Variants in CMTM4 observed in about 807,000 individuals in gnomAD.
CMTM4 encodes CKLF-like MARVEL transmembrane domain-containing protein 4.
Under a neutral mutation model 19.0 loss-of-function variants are expected in CMTM4, and 8 were observed. The observed-to-expected ratio is 0.42, with a 90% CI of 0.25 to 0.76. The LOEUF is 0.76. Ranked by LOEUF, CMTM4 falls within the 30% of genes least tolerant of loss-of-function variation. The pLI, the probability that CMTM4 is intolerant of heterozygous loss-of-function variation, is 0.27. For missense variants in CMTM4, 228 were observed against 290.2 expected (o/e 0.79, Z 1.56); for synonymous variants, 106 against 121.1 (o/e 0.88, Z 0.82).
rs138154250 is a variant in CMTM4 at position 66,689,671 on chromosome 16, T to C, written c.186+6669A>G. ...ATCCACCTGCCTCGGCCTCCCAAAG[T>C]GCTGGGACTACAGACATAAGCCACT... On this transcript the variant is annotated intron_variant, in intron 1 of 3. Transcript: ENST00000394106. Among the ~76,000 whole-genome samples the C allele has an allele frequency of 1.6e-3, 250 of 152,300 alleles. 1 individual carries two copies. The highest frequency in any genetic ancestry group is 5.6e-3 in the African/African-American group (233 of 41,564).
chr16:66,667,598 AAG>A (rs2016621701), intron 1 of CMTM4, among the ~76,000 whole-genome samples: 1 of 152,146 alleles, frequency 6.6e-6, no homozygotes, highest in African/African-American at 2.4e-5. Flanking sequence ...AAGTTTAAAA[AAG>A]AAAAAAGGGC....
intron 1 of CMTM4, among the ~76,000 whole-genome samples, chr16:66,666,165 AAGAC>A (rs1333336776): frequency 6.6e-6 from 1 of 151,926 alleles, no homozygotes; most frequent in Admixed American, 6.6e-5. Context: ...TTAAGAAAAT[AAGAC>A]AGGCCAGGTG....
At chr16:66,601,576 GCAGCCTGGCCCC>G in the CMTM4 span, among the ~76,000 whole-genome samples, 5 of 152,336 alleles carry the variant, frequency 3.3e-5, no homozygotes, top group South Asian at 1.0e-3. Context: ...GGTCGGACTG[GCAGCCTGGCCCC>G]CAGCCTTCAG....
Position 66,620,871 on chromosome 16 carries a change from T to C in CMTM4, c.*1187A>G. ...ACTGCATCATGGGGACTCACTGAAC[T>C]CATTCACCACACACAATAATCTTCA... On this transcript the variant is annotated 3_prime_UTR_variant, in exon 4 of 4. Transcript: ENST00000394106. 1 of 985,790 alleles carries C rather than the reference T, an allele frequency of 1.0e-6. No homozygotes were observed. Among genetic ancestry groups the C allele is most frequent in the Non-Finnish European group, 1.2e-6 (1 of 829,930 alleles). 61.1% of individuals were successfully genotyped at this position (985,790 alleles called of 1,614,324 possible). A position where few individuals can be genotyped will look rare whatever the true frequency, so the allele number is the denominator to read the frequency against.
At chr16:66,631,506 A>G (rs1048236547) in intron 2 of CMTM4, among the ~76,000 whole-genome samples, 7 of 152,248 alleles carry the variant, frequency 4.6e-5, no homozygotes, top group African/African-American at 7.2e-5. Context: ...AAGGTGGGGA[A>G]AAGACTGAGA....
chr16:66,655,605 C>T (rs767436833), intron 1 of CMTM4, among the ~76,000 whole-genome samples: 3 of 149,034 alleles, frequency 2.0e-5, no homozygotes, highest in Admixed American at 6.7e-5. Context: ...TACATATATA[C>T]GAGATATAAG....
At position 66,696,453 on chromosome 16, in the gene CMTM4, TG is replaced by T; in HGVS notation, c.72del (p.Ser24ArgfsTer11). ...GGCTCGGTGGTGGGCTGGTACGGGC[TG>T]CTGGCGCCCGAGATCATGGAGGTGC... The part of the protein sequence containing the change: ...ASSTSMISGA[S>X]SPYQPTTEPV... On this transcript the variant is annotated frameshift_variant, in exon 1 of 4. Transcript: ENST00000394106. LOFTEE classifies it high-confidence loss of function. This position sits in a 1 kb window ranked among gnomAD's most constrained non-coding sequence, Gnocchi z 4.3. 1 of 1,343,608 alleles carries T rather than the reference TG, an allele frequency of 7.4e-7. No homozygotes were observed. Among genetic ancestry groups the T allele is most frequent in the Non-Finnish European group, 9.5e-7 (1 of 1,047,240 alleles). The allele number at this position is 1,343,608 out of a possible 1,614,324, so 83.2% of individuals were successfully genotyped here. A position where few individuals can be genotyped will look rare whatever the true frequency, so the allele number is the denominator to read the frequency against.
At position 66,652,471 on chromosome 16, in the gene CMTM4, G is replaced by A. The variant is rs540857294; in HGVS notation, c.187-15890C>T. Among the ~76,000 whole-genome samples, 49 of 152,306 alleles carry A rather than the reference G, an allele frequency of 3.2e-4. 1 individual carries two copies. The East Asian group carries it at 7.1e-3, about 22-fold the overall frequency. ...AGTGTCCCTGACAGATGTTTCAAGCGGGTTCTCTGTGTAAACAATTTTGAT... is the reference window on the plus strand; with the variant it reads ...AGTGTCCCTGACAGATGTTTCAAGCAGGTTCTCTGTGTAAACAATTTTGAT... On this transcript the variant is annotated intron_variant, in intron 1 of 3. Transcript: ENST00000394106.
At chr16:66,666,918 AG>A (rs2016604805) in intron 1 of CMTM4, among the ~76,000 whole-genome samples, 1 of 152,190 alleles carries the variant, frequency 6.6e-6, no homozygotes, top group Admixed American at 6.6e-5. Context: ...GATTACTTGG[AG>A]GGAGGGAGGG....
intron 1 of CMTM4, among the ~76,000 whole-genome samples, chr16:66,687,395 GT>G (rs2017053127): frequency 6.6e-6 from 1 of 152,160 alleles, no homozygotes; most frequent in Non-Finnish European, 1.5e-5. Flanking sequence ...GCTGGGAGCA[GT>G]GGCTCATGCC....
the CMTM4 span, chr16:66,605,178 C>T: frequency 9.5e-6 from 4 of 422,226 alleles, no homozygotes; most frequent in Non-Finnish European, 1.7e-5. This position sits in a 1 kb window ranked among gnomAD's most constrained non-coding sequence, Gnocchi z 4.6. Context: ...GGCGCTGTCC[C>T]CGCGAGTCCA....
At position 66,679,810 on chromosome 16, in the gene CMTM4, C is replaced by A. The variant is rs142865373; in HGVS notation, c.186+16530G>T. ...CTGCACTCCAGCCTGGGTGACAGTG[C>A]GAGACTCTATGTCAAAAAAAAAAAA... On this transcript the variant is annotated intron_variant, in intron 1 of 3. Transcript: ENST00000394106. Among the ~76,000 whole-genome samples, 14 of 141,296 alleles carry A rather than the reference C, an allele frequency of 9.9e-5. No homozygotes were observed. In the East Asian group the frequency reaches 2.9e-3, roughly 29 times the overall value. The allele number at this position is 141,296 out of a possible 152,430, so 92.7% of individuals were successfully genotyped here.
At chr16:66,646,216 T>C (rs1299748341) in intron 1 of CMTM4, among the ~76,000 whole-genome samples, 3 of 152,172 alleles carry the variant, frequency 2.0e-5, no homozygotes, top group Non-Finnish European at 2.9e-5. Context: ...TTTATGTGCA[T>C]TGAAGGATTT....
chr16:66,660,873 G>A (rs992278742), intron 1 of CMTM4, among the ~76,000 whole-genome samples: 4 of 152,036 alleles, frequency 2.6e-5, no homozygotes, highest in South Asian at 2.1e-4. Context: ...TCTCCTGCTC[G>A]CTGTGCTAAG....
At chr16:66,612,625 G>C (rs140558979), downstream of CMTM4, 7 of 1,613,962 alleles carry the variant, frequency 4.3e-6, no homozygotes, top group African/African-American at 6.7e-5. This position sits in a 1 kb window ranked among gnomAD's most constrained non-coding sequence, Gnocchi z 6.0. Flanking sequence ...ATTCCGACTC[G>C]GACTCTGACT....
intron 2 of CMTM4, among the ~76,000 whole-genome samples, chr16:66,631,904 G>A (rs1010738373): frequency 2.0e-5 from 3 of 151,842 alleles, no homozygotes; most frequent in African/African-American, 7.3e-5. Flanking sequence ...CCCCCTCTGC[G>A]AGAAACACCC....
chr16:66,678,571 A>G (rs1055294082), intron 1 of CMTM4, among the ~76,000 whole-genome samples: 16 of 152,214 alleles, frequency 1.1e-4, no homozygotes, highest in African/African-American at 3.6e-4. Flanking sequence ...TAAACTGTAC[A>G]TAACTGACAG....
chr16:66,645,841 T>G (rs748907867), intron 1 of CMTM4, among the ~76,000 whole-genome samples: 1 of 151,844 alleles, frequency 6.6e-6, no homozygotes, highest in Non-Finnish European at 1.5e-5. Context: ...TAGCCGAGTG[T>G]GGTGGTGGGC....
Position 66,619,905 on chromosome 16 carries a change from T to G in CMTM4, c.*2153A>C. 1 of 985,450 alleles carries G rather than the reference T, an allele frequency of 1.0e-6. No individual in the cohort carries two copies. Among genetic ancestry groups the G allele is most frequent in the Non-Finnish European group, 1.2e-6 (1 of 829,942 alleles). 61.0% of individuals were successfully genotyped at this position (985,450 alleles called of 1,614,324 possible). A position where few individuals can be genotyped will look rare whatever the true frequency, so the allele number is the denominator to read the frequency against. On this transcript the variant is annotated 3_prime_UTR_variant, in exon 4 of 4. Transcript: ENST00000394106. ...GTCACTCTCTGGCGTGTCATCCTTT[T>G]TGGTCATTCATCTGCATTTAGTTTC...
Sources: allele counts gnomAD v4.1 joint callset (sites outside exome capture counted in the v4.1 genomes callset), GRCh38; gene constraint gnomAD v4.1.1; non-coding constraint Gnocchi (gnomAD v3.1); transcripts MANE v1.5; gene names NCBI Gene and HGNC (gene_info 2026-07-23, HGNC 2026-07-21).